Variants in EML6 observed in about 807,000 individuals in gnomAD.
The protein encoded by EML6 is EMAP like 6.
EML6 carries 154 observed loss-of-function variants against 240.1 expected under a neutral mutation model. The observed-to-expected ratio is 0.64, with a 90% CI of 0.56 to 0.73. The LOEUF (loss-of-function observed/expected upper bound fraction) is 0.73, where lower values mean the gene tolerates loss of function less well. Ranked by LOEUF, EML6 falls within the 30% of genes least tolerant of loss-of-function variation. EML6 has a pLI of 0.00. For synonymous variants in EML6, 1,148 were observed against 899.0 expected (o/e 1.28, Z -4.95); for missense variants, 2,964 against 2,474.6 (o/e 1.20, Z -4.20).
intron 4 of EML6, among the ~76,000 whole-genome samples, chr2:54,817,394 A>G (rs1668128113): frequency 6.6e-6 from 1 of 152,246 alleles, no homozygotes; most frequent in African/African-American, 2.4e-5. Context: ...GGGGGTATAT[A>G]CATATAACTG....
At position 54,961,191 on chromosome 2, in the gene EML6, T is replaced by TTTTTTTTTGTTTTTTTGTTTTTTTG. The variant is rs1558729637; in HGVS notation, c.4968+865_4968+866insGTTTTTTTGTTTTTTTGTTTTTTTT. On this transcript the variant is annotated intron_variant, in intron 35 of 41. Coordinates refer to ENST00000356458, the MANE Select transcript of EML6 (RefSeq NM_001039753.4). ...GGAAGTTATCAGGAAGTAGTTTTTT[T>TTTTTTTTTGTTTTTTTGTTTTTTTG]TTTTTTTTTTTTGAGACGGAGTCTT... Among the ~76,000 whole-genome samples, 56 of 111,676 alleles carry TTTTTTTTTGTTTTTTTGTTTTTTTG rather than the reference T, an allele frequency of 5.0e-4. 12 individuals are homozygous for TTTTTTTTTGTTTTTTTGTTTTTTTG. Among genetic ancestry groups the TTTTTTTTTGTTTTTTTGTTTTTTTG allele is most frequent in the Non-Finnish European group, 8.8e-4 (48 of 54,770 alleles). The allele number at this position is 111,676 out of a possible 152,430, so 73.3% of individuals were successfully genotyped here.
intron 2 of EML6, among the ~76,000 whole-genome samples, chr2:54,812,322 GA>G (rs11362235): frequency 0.53 from 76,333 of 145,036 alleles, 19,869 homozygotes; most frequent in East Asian, 0.63. Flanking sequence ...GCCAAACACT[GA>G]AAAAAAAAAA....
At chr2:54,869,006 A>G in intron 14 of EML6, 175 bp from the exon 15 acceptor site, 1 of 512,796 alleles carries the variant, frequency 2.0e-6, no homozygotes, top group Non-Finnish European at 3.5e-6. Flanking sequence ...TTTGAGAGTC[A>G]TCTCATGCCC....
At chr2:54,938,903 C>T (rs912959972) in intron 28 of EML6, among the ~76,000 whole-genome samples, 1 of 152,132 alleles carries the variant, frequency 6.6e-6, no homozygotes, top group African/African-American at 2.4e-5. Context: ...CTGGGAGTTG[C>T]CTTAAGAACT....
intron 2 of EML6, among the ~76,000 whole-genome samples, chr2:54,795,434 G>A (rs116901102): frequency 4.6e-5 from 7 of 152,168 alleles, no homozygotes; most frequent in South Asian, 2.1e-4. Context: ...CTCCTCTGGC[G>A]TATGGGGATT....
intron 2 of EML6, among the ~76,000 whole-genome samples, chr2:54,793,333 C>T (rs867478780): frequency 4.7e-5 from 7 of 147,408 alleles, no homozygotes; most frequent in South Asian, 4.3e-4. Flanking sequence ...TCATAAAACA[C>T]GGATCAACTT....
intron 26 of EML6, among the ~76,000 whole-genome samples, chr2:54,927,108 T>C (rs1422537297): frequency 6.6e-6 from 1 of 152,228 alleles, no homozygotes; most frequent in Non-Finnish European, 1.5e-5. Flanking sequence ...GAAATTCTTT[T>C]GTTCTGCCTA....
chr2:54,879,512 G>A, intron 16 of EML6, 35 bp from the exon 17 acceptor site: 2 of 1,419,750 alleles, frequency 1.4e-6, no homozygotes, highest in Non-Finnish European at 1.9e-6. Flanking sequence ...TTTTTTCATG[G>A]AAGAAATTTT....
intron 2 of EML6, among the ~76,000 whole-genome samples, chr2:54,770,299 G>T (rs1463700293): frequency 6.6e-6 from 1 of 152,206 alleles, no homozygotes; most frequent in Non-Finnish European, 1.5e-5. Flanking sequence ...GGGACAACAG[G>T]TGTAAGCTGG....
At chr2:54,883,166 C>G (rs1490060571) in intron 17 of EML6, among the ~76,000 whole-genome samples, 1 of 152,004 alleles carries the variant, frequency 6.6e-6, no homozygotes, top group Non-Finnish European at 1.5e-5. Context: ...ATTCCACTAC[C>G]CAGATGTAGC....
intron 13 of EML6, among the ~76,000 whole-genome samples, chr2:54,864,231 A>G (rs1670842964): frequency 6.6e-6 from 1 of 152,202 alleles, no homozygotes; most frequent in Admixed American, 6.5e-5. Flanking sequence ...GCAGATTATG[A>G]AAGCATGTGT....
At chr2:54,868,952 TCTG>T in intron 14 of EML6, 1 of 455,324 alleles carries the variant, frequency 2.2e-6, no homozygotes. Flanking sequence ...CAGCTGAGGA[TCTG>T]CTAACAGATT....
At chr2:54,745,836 T>A (rs1316595187) in intron 2 of EML6, among the ~76,000 whole-genome samples, 1 of 151,974 alleles carries the variant, frequency 6.6e-6, no homozygotes, top group Non-Finnish European at 1.5e-5. Flanking sequence ...CTTTAACTAC[T>A]GAGGAGAGGA....
chr2:54,953,432 T>G (rs1006181510), intron 31 of EML6, among the ~76,000 whole-genome samples: 4 of 152,192 alleles, frequency 2.6e-5, no homozygotes, highest in Non-Finnish European at 5.9e-5. Flanking sequence ...ACCTCACCAG[T>G]TTCCTTCGTA....
rs139577840 is a variant in EML6 at position 54,934,210 on chromosome 2, G to A, written c.4004+5459G>A. ...ACACATATGGAAGTGAAAAATAAAA[G>A]TAGGAAGTAACATAATACTCTCTTA... On this transcript the variant is annotated intron_variant, in intron 28 of 41. Coordinates refer to ENST00000356458, the MANE Select transcript of EML6 (RefSeq NM_001039753.4). Among the ~76,000 whole-genome samples, 58 of 152,300 alleles carry A rather than the reference G, an allele frequency of 3.8e-4. No individual in the cohort carries two copies. The East Asian group carries it at 0.01, about 26-fold the overall frequency.
intron 2 of EML6, among the ~76,000 whole-genome samples, chr2:54,792,938 T>C (rs748732793): frequency 6.6e-5 from 10 of 152,324 alleles, no homozygotes; most frequent in South Asian, 6.2e-4. Context: ...TTTAAAGTTA[T>C]AGCATCTGAG....
At chr2:54,826,056 C>T (rs1158793522) in intron 5 of EML6, among the ~76,000 whole-genome samples, 1 of 152,198 alleles carries the variant, frequency 6.6e-6, no homozygotes, top group Admixed American at 6.5e-5. Context: ...TCTGAATATG[C>T]TACCTTAAAA....
intron 2 of EML6, among the ~76,000 whole-genome samples, chr2:54,771,242 C>G (rs1166831528): frequency 6.6e-6 from 1 of 152,180 alleles, no homozygotes; most frequent in Non-Finnish European, 1.5e-5. Flanking sequence ...AAGCCTTTAA[C>G]CTGGACTGGC....
intron 28 of EML6, among the ~76,000 whole-genome samples, chr2:54,944,012 C>T (rs1675558392): frequency 6.6e-6 from 1 of 152,152 alleles, no homozygotes; most frequent in African/African-American, 2.4e-5. Context: ...GCCTCCCTCT[C>T]TCTTCTCAGT....
Sources: gnomAD v4.1 joint callset for allele counts (sites outside exome capture counted in the v4.1 genomes callset) on GRCh38, gnomAD v4.1.1 for gene constraint, MANE v1.5 for transcripts, NCBI Gene and HGNC (gene_info 2026-07-23, HGNC 2026-07-21) for gene names.